The following USP6NL variants were observed in gnomAD, a reference collection of about 807,000 sequenced individuals.
The protein encoded by USP6NL is USP6 N-terminal like.
In USP6NL, 26 loss-of-function variants were observed where a neutral mutation model predicts 61.9. The ratio of observed to expected loss-of-function variants is 0.42; its 90% CI spans 0.31 to 0.58. The LOEUF (loss-of-function observed/expected upper bound fraction) is 0.58. Ranked by LOEUF, USP6NL falls within the 20% of genes least tolerant of loss-of-function variation. The pLI, the probability that USP6NL is intolerant of heterozygous loss-of-function variation, is 0.16. For missense variants in USP6NL, 1,114 were observed against 1,034.3 expected, an observed-to-expected ratio of 1.08 and a Z score of -1.06; for synonymous variants, 432 against 390.1, an observed-to-expected ratio of 1.11 and a Z score of -1.27.
chr10:11,570,173 C>T (rs1433147443), intron 2 of USP6NL, among the ~76,000 whole-genome samples: 6 of 152,086 alleles, frequency 3.9e-5, no homozygotes, highest in African/African-American at 1.4e-4. Context: ...TAAGAGGGTC[C>T]GTTAAGTACC....
At chr10:11,590,462 T>C (rs1040397999) in intron 2 of USP6NL, among the ~76,000 whole-genome samples, 5 of 152,234 alleles carry the variant, frequency 3.3e-5, no homozygotes, top group African/African-American at 1.2e-4. Context: ...AAAAACTGGA[T>C]GTTACTTATG....
rs1050209827 is a variant in USP6NL at position 11,476,021 on chromosome 10, G to C, written c.1078+5749C>G. The stretch of plus-strand genomic sequence containing the variant: ...TGTGCGACATTCCACAGAATAGTGG[G>C]ACTGTGCTCTTCAGCAGCTCAGTGT... On this transcript the variant is annotated intron_variant, in intron 14 of 14. Transcript: ENST00000609104. The surrounding 1 kb of genome is among the most constrained non-coding windows in gnomAD (Gnocchi z 4.3). 6.6e-5 allele frequency among the ~76,000 whole-genome samples: 10 copies of C among 152,154 alleles called. No individual in the cohort carries two copies. The highest frequency in any genetic ancestry group is 2.0e-4 in the Admixed American group (3 of 15,272).
chr10:11,509,533 T>A, intron 6 of USP6NL, 62 bp downstream of exon 6: 1 of 1,384,484 alleles, frequency 7.2e-7, no homozygotes, highest in Non-Finnish European at 9.7e-7. Flanking sequence ...GAAGAACTTC[T>A]ACTATGAAAA....
rs778060360 is a variant in USP6NL at position 11,501,101 on chromosome 10, A to T, written c.384T>A (p.Ser128Arg). The change falls in exon 7 of 15, where the codon AGT (serine) becomes AGA (arginine). Residue 128 changes from serine (S) to arginine (R), a missense_variant and splice_region_variant. By Grantham distance (110) the Ser-to-Arg change is moderately radical (BLOSUM62 -1). Transcript: ENST00000609104. ...KMKEETRDLY[S>R]KLKHRARGCS... ...TAACAAGTTAGCTTTAGCTACTCAC[A>T]CTATACAGGTCCCTTGTTTCTTCTT... The T allele has an allele frequency of 6.3e-7, 1 of 1,595,866 alleles. No individual in the cohort carries two copies. Among genetic ancestry groups the T allele is most frequent in the Non-Finnish European group, 8.5e-7 (1 of 1,173,600 alleles).
chr10:11,555,081 G>A (rs1487908040), intron 2 of USP6NL, among the ~76,000 whole-genome samples: 2 of 135,754 alleles, frequency 1.5e-5, no homozygotes, highest in Admixed American at 7.7e-5. Context: ...ATGAGCCACC[G>A]CGCCTGGCCT....
chr10:11,580,642 G>C (rs1837724357), intron 2 of USP6NL, among the ~76,000 whole-genome samples: 1 of 152,154 alleles, frequency 6.6e-6, no homozygotes, highest in Non-Finnish European at 1.5e-5. Context: ...CAGGGACTGT[G>C]ACTTCATTGT....
chr10:11,460,518 T>C lies in USP6NL; in HGVS notation c.*1923A>G, dbSNP rs528507415. 1 of 151,446 alleles carries C rather than the reference T, an allele frequency of 6.6e-6. No individual in the cohort carries two copies. The highest frequency in any genetic ancestry group is 2.4e-5 in the African/African-American group (1 of 41,396). The allele number at this position is 151,446 out of a possible 1,614,324, so 9.4% of individuals were successfully genotyped here. On this transcript the variant is annotated 3_prime_UTR_variant, in exon 15 of 15. Coordinates refer to ENST00000609104, the MANE Select transcript of USP6NL (RefSeq NM_014688.5). Reference sequence around the variant, plus strand: ...ACATAAAAGACACAAAATATACTTATTACTTTTAGCATGTTAAAAAACAAT... The same window carrying C: ...ACATAAAAGACACAAAATATACTTACTACTTTTAGCATGTTAAAAAACAAT...
intron 2 of USP6NL, among the ~76,000 whole-genome samples, chr10:11,581,041 A>AACACCCTAG (rs1837747571): frequency 6.6e-6 from 1 of 152,204 alleles, no homozygotes; most frequent in African/African-American, 2.4e-5. Flanking sequence ...AATTCAAACC[A>AACACCCTAG]ACACCCTAGA....
intron 2 of USP6NL, among the ~76,000 whole-genome samples, chr10:11,577,895 T>G (rs1453169743): frequency 6.6e-6 from 1 of 152,204 alleles, no homozygotes; most frequent in Non-Finnish European, 1.5e-5. Context: ...ACAATTTATG[T>G]GTAAATTCTT....
At chr10:11,484,688 T>C (rs560922732) in intron 13 of USP6NL, among the ~76,000 whole-genome samples, 3 of 152,206 alleles carry the variant, frequency 2.0e-5, no homozygotes, top group African/African-American at 7.2e-5. Context: ...TAACGAAAAA[T>C]ATTACTAGTG....
intron 2 of USP6NL, among the ~76,000 whole-genome samples, chr10:11,560,526 C>A (rs970579270): frequency 6.6e-6 from 1 of 151,558 alleles, no homozygotes; most frequent in African/African-American, 2.4e-5. Context: ...ACATGCTACC[C>A]CCCTCCTTTC....
rs1230348904 is a variant in USP6NL at position 11,463,869 on chromosome 10, CTAAG to C, written c.1079-24_1079-21del. The C allele has an allele frequency of 8.9e-6, 13 of 1,455,820 alleles. No homozygotes were observed. The Admixed American group carries it at 1.1e-4, about 13-fold the overall frequency. 90.2% of individuals were successfully genotyped at this position (1,455,820 alleles called of 1,614,324 possible). A position where few individuals can be genotyped will look rare whatever the true frequency, so the allele number is the denominator to read the frequency against. Reference sequence around the variant, plus strand: ...CTTTACCTGAAAAGAAAGAGAAAGGCTAAGTAAGATAATACACGAGTAAACAGTA... The same window carrying C: ...CTTTACCTGAAAAGAAAGAGAAAGGCTAAGATAATACACGAGTAAACAGTA... On this transcript the variant is annotated intron_variant, in intron 14 of 14. Transcript: ENST00000609104. The surrounding 1 kb of genome is among the most constrained non-coding windows in gnomAD (Gnocchi z 6.3).
chr10:11,514,150 T>C (rs868215524), intron 5 of USP6NL, among the ~76,000 whole-genome samples: 2 of 144,692 alleles, frequency 1.4e-5, no homozygotes, highest in South Asian at 2.3e-4. Flanking sequence ...ATCCACGTGA[T>C]ATACTTTGAG....
rs1326293413 is a variant in USP6NL at position 11,462,926 on chromosome 10, T to C, written c.2002A>G (p.Arg668Gly). ...FSPGTQLNPS[R>G]RPHGSTLSVS... ...GAAAGAGTAGAACCATGAGGTCTCC[T>C]GGAAGGATTCAGTTGAGTCCCAGGG... Residue 668 changes from arginine to glycine, a missense_variant, in exon 15 of 15, where the codon AGG (arginine) becomes GGG (glycine). Physicochemically the swap from Arg to Gly is moderately radical, Grantham distance 125 (BLOSUM62 -2). Transcript: ENST00000609104. 4.3e-6 allele frequency: 7 copies of C among 1,613,560 alleles called. No homozygotes were observed. The highest frequency in any genetic ancestry group is 2.2e-5 in the South Asian group (2 of 91,022).
At chr10:11,530,406 A>G (rs1331326290) in intron 2 of USP6NL, among the ~76,000 whole-genome samples, 4 of 152,218 alleles carry the variant, frequency 2.6e-5, no homozygotes, top group Non-Finnish European at 4.4e-5. Flanking sequence ...GGCAAACTAT[A>G]AAATATAAAG....
chr10:11,601,379 G>A (rs1044429922), intron 1 of USP6NL, among the ~76,000 whole-genome samples: 2 of 152,190 alleles, frequency 1.3e-5, no homozygotes, highest in Admixed American at 6.5e-5. Flanking sequence ...AGAGCCCACA[G>A]TGATGCCGAT....
chr10:11,606,008 A>G (rs1468421174), intron 1 of USP6NL, among the ~76,000 whole-genome samples: 1 of 152,184 alleles, frequency 6.6e-6, no homozygotes, highest in Non-Finnish European at 1.5e-5. Flanking sequence ...AAGTCACGGT[A>G]TCAAAATGCC....
At chr10:11,551,673 T>C (rs902593464) in intron 2 of USP6NL, among the ~76,000 whole-genome samples, 1 of 152,228 alleles carries the variant, frequency 6.6e-6, no homozygotes, top group Non-Finnish European at 1.5e-5. Flanking sequence ...AACTCAGGCC[T>C]CTCTGACTCT....
rs549214743 is a variant in USP6NL, at chr10:11,481,464, T to C, written c.1078+306A>G. Among the ~76,000 whole-genome samples the C allele has an allele frequency of 2.6e-5, 4 of 152,322 alleles. No homozygotes were observed. The highest frequency in any genetic ancestry group is 7.2e-5 in the African/African-American group (3 of 41,582). ...ATGAAGAAAGCAAAAAAAAGCTTATTGTTATGCTCGTTTAAAGCACCATGG... is the reference window on the plus strand; with the variant it reads ...ATGAAGAAAGCAAAAAAAAGCTTATCGTTATGCTCGTTTAAAGCACCATGG... On this transcript the variant is annotated intron_variant, in intron 14 of 14. Transcript: ENST00000609104. The surrounding 1 kb of genome is among the most constrained non-coding windows in gnomAD (Gnocchi z 4.4).
Sources: allele counts gnomAD v4.1 joint callset (sites outside exome capture counted in the v4.1 genomes callset), GRCh38; gene constraint gnomAD v4.1.1; non-coding constraint Gnocchi (gnomAD v3.1); transcripts MANE v1.5; gene names NCBI Gene and HGNC (gene_info 2026-07-23, HGNC 2026-07-21).